MYO18B: variants seen among roughly 807,000 people sequenced by gnomAD.
MYO18B encodes the protein myosin XVIIIB, also known as unconventional myosin-XVIIIb.
Under a neutral mutation model 273.0 loss-of-function variants are expected in MYO18B, and 204 were observed. The ratio of observed to expected loss-of-function variants is 0.75; its 90% CI spans 0.67 to 0.84. The LOEUF is 0.84. Ranked by LOEUF, MYO18B falls within the 40% of genes least tolerant of loss-of-function variation. MYO18B has a pLI of 0.00. For missense variants in MYO18B, 3,212 were observed against 3,287.6 expected, an observed-to-expected ratio of 0.98 and a Z score of 0.56; for synonymous variants, 1,330 against 1,305.7, an observed-to-expected ratio of 1.02 and a Z score of -0.40.
chr22:25,785,511 C>T lies in MYO18B; in HGVS notation c.2376+20C>T, dbSNP rs753610115. The T allele has an allele frequency of 5.1e-5, 82 of 1,608,680 alleles. No individual in the cohort carries two copies. The East Asian group carries it at 1.0e-3, about 20-fold the overall frequency. On this transcript the variant is annotated intron_variant, in intron 11 of 43. Coordinates refer to ENST00000335473, the MANE Select transcript of MYO18B (RefSeq NM_032608.7). The stretch of plus-strand genomic sequence containing the variant: ...TCCAAGGTAAGGAGGAGGTCCCTCA[C>T]GGGTGGGATGTGAGTCTGTGTCTGG...
chr22:25,947,163 G>A (rs1409736201), intron 35 of MYO18B, among the ~76,000 whole-genome samples: 3 of 151,462 alleles, frequency 2.0e-5, no homozygotes, highest in Non-Finnish European at 4.4e-5. Flanking sequence ...ACACAGGAAT[G>A]AATGTACATA....
chr22:25,784,884 T>C (rs8139077), intron 10 of MYO18B, among the ~76,000 whole-genome samples: 80,125 of 152,046 alleles, frequency 0.53, 22,108 homozygotes, highest in East Asian at 0.61. Context: ...CCGGGAGAGG[T>C]GCACGTGGCA....
At chr22:25,925,731 C>A (rs1432198470) in intron 34 of MYO18B, among the ~76,000 whole-genome samples, 3 of 150,406 alleles carry the variant, frequency 2.0e-5, no homozygotes, top group African/African-American at 4.9e-5. Flanking sequence ...ATGGTGAAAC[C>A]CTGTCTCTAC....
intron 39 of MYO18B, among the ~76,000 whole-genome samples, chr22:25,966,075 A>C (rs1401838137): frequency 6.6e-6 from 1 of 152,170 alleles, no homozygotes; most frequent in East Asian, 1.9e-4. Context: ...CCTGGAAAAG[A>C]CTAAAACAAG....
In MYO18B at chr22:26,006,571, A is replaced by G. The variant is rs143321406; in HGVS notation, c.6470+1716A>G. On this transcript the variant is annotated intron_variant, in intron 42 of 43. Transcript: ENST00000335473. Reference sequence around the variant, plus strand: ...TAAAGTCAACGTTTTTAGAACAACAAGACAAACCAGTACATATAACTTTCA... The same window carrying G: ...TAAAGTCAACGTTTTTAGAACAACAGGACAAACCAGTACATATAACTTTCA... The G allele has an allele frequency of 1.6e-3, 300 of 187,264 alleles. 6 individuals are homozygous for G. In the South Asian group the frequency reaches 0.024, roughly 15 times the overall value. The allele number at this position is 187,264 out of a possible 1,614,324, so 11.6% of individuals were successfully genotyped here. A position where few individuals can be genotyped will look rare whatever the true frequency, so the allele number is the denominator to read the frequency against.
At chr22:26,015,792 T>G (rs1450061382) in intron 42 of MYO18B, among the ~76,000 whole-genome samples, 1 of 152,204 alleles carries the variant, frequency 6.6e-6, no homozygotes, top group Non-Finnish European at 1.5e-5. Context: ...CATGTACCCC[T>G]GAACTTAAAA....
intron 25 of MYO18B, among the ~76,000 whole-genome samples, chr22:25,886,046 A>G (rs956037648): frequency 1.2e-4 from 19 of 152,186 alleles, no homozygotes; most frequent in Non-Finnish European, 1.8e-4. Flanking sequence ...CAGAGTGGTT[A>G]AGTAGCCACC....
chr22:25,834,387 G>A (rs1460553952), intron 16 of MYO18B, among the ~76,000 whole-genome samples: 1 of 152,140 alleles, frequency 6.6e-6, no homozygotes, highest in African/African-American at 2.4e-5. Flanking sequence ...AGGCCAAGGT[G>A]AAGGATGCCT....
intron 16 of MYO18B, 60 bp downstream of exon 16, chr22:25,833,057 G>A: frequency 6.6e-7 from 1 of 1,504,600 alleles, no homozygotes; most frequent in Admixed American, 1.7e-5. Flanking sequence ...TTGAAATGCT[G>A]GTGGATTTGA....
intron 40 of MYO18B, 75 bp downstream of exon 40, chr22:25,992,568 C>T (rs2093281365): frequency 2.0e-5 from 32 of 1,585,756 alleles, no homozygotes; most frequent in South Asian, 4.5e-5. Context: ...GCCCTTTAGC[C>T]GGGCTGGGGC....
rs144514926 is a variant in MYO18B, at chr22:25,748,267, G to T, written c.-110+5974G>T. ...GGGGAGGTAGCTCTCTGAGAAGGAAGAAAAAGCATCAGACTTTACTCATTG... is the reference window on the plus strand; with the variant it reads ...GGGGAGGTAGCTCTCTGAGAAGGAATAAAAAGCATCAGACTTTACTCATTG... On this transcript the variant is annotated intron_variant, in intron 1 of 43. Transcript: ENST00000335473. 5.0e-3 allele frequency among the ~76,000 whole-genome samples: 767 copies of T among 152,286 alleles called. 4 individuals are homozygous for T. The highest frequency in any genetic ancestry group is 0.018 in the African/African-American group (730 of 41,548).
intron 32 of MYO18B, among the ~76,000 whole-genome samples, chr22:25,910,132 G>A (rs180907984): frequency 6.6e-6 from 1 of 152,134 alleles, no homozygotes; most frequent in Non-Finnish European, 1.5e-5. Flanking sequence ...TAAATGAGTC[G>A]CTCATAGTCA....
chr22:25,914,995 C>A (rs529148980), intron 33 of MYO18B, among the ~76,000 whole-genome samples: 10 of 151,646 alleles, frequency 6.6e-5, no homozygotes, highest in Admixed American at 3.9e-4. Context: ...CCGCGCCCGG[C>A]CAGTTTTGAC....
intron 41 of MYO18B, 36 bp from the exon 42 acceptor site, chr22:26,004,682 T>A (rs1211912242): frequency 1.2e-6 from 2 of 1,610,740 alleles, no homozygotes; most frequent in Non-Finnish European, 1.7e-6. Flanking sequence ...ACTGTGATTG[T>A]CATTGTGCTG....
chr22:25,952,523 C>T (rs921414757), intron 38 of MYO18B, 100 bp downstream of exon 38: 11 of 1,438,830 alleles, frequency 7.6e-6, no homozygotes, highest in East Asian at 2.4e-5. Context: ...ACTCACATGC[C>T]TTCATCTAGA....
At chr22:25,748,488 C>T (rs1280428542) in intron 1 of MYO18B, among the ~76,000 whole-genome samples, 1 of 152,112 alleles carries the variant, frequency 6.6e-6, no homozygotes, top group Non-Finnish European at 1.5e-5. Context: ...ACCTCCCTGT[C>T]AATGGACATG....
intron 1 of MYO18B, among the ~76,000 whole-genome samples, chr22:25,743,039 G>T (rs1282321936): frequency 6.6e-6 from 1 of 152,258 alleles, no homozygotes; most frequent in Non-Finnish European, 1.5e-5. Context: ...CCTCTGGGCT[G>T]CTGCCTTCCT....
intron 13 of MYO18B, 77 bp from the exon 14 acceptor site, chr22:25,826,332 C>G: frequency 6.9e-6 from 7 of 1,019,190 alleles, no homozygotes; most frequent in Non-Finnish European, 1.0e-5. Context: ...TTGAGTGGTC[C>G]CTACTGCTCT....
At chr22:25,750,936 C>T (rs1399791643) in intron 1 of MYO18B, among the ~76,000 whole-genome samples, 1 of 152,222 alleles carries the variant, frequency 6.6e-6, no homozygotes, top group East Asian at 1.9e-4. Context: ...GCAGTCCATG[C>T]TGGGAGGCCA....
Sources: gnomAD v4.1 joint callset for allele counts (sites outside exome capture counted in the v4.1 genomes callset) on GRCh38, gnomAD v4.1.1 for gene constraint, MANE v1.5 for transcripts, NCBI Gene and HGNC (gene_info 2026-07-23, HGNC 2026-07-21) for gene names.